The following RNF220 variants were observed in gnomAD, a reference collection of about 807,000 sequenced individuals.
The protein encoded by RNF220 is E3 ubiquitin-protein ligase RNF220.
RNF220 carries 7 observed loss-of-function variants against 67.1 expected under a neutral mutation model. The ratio of observed to expected loss-of-function variants is 0.10; its 90% CI spans 0.06 to 0.20. RNF220 has a LOEUF of 0.20. Among genes scored for constraint, RNF220 ranks in the 10% least tolerant of loss-of-function variants. The probability of loss-of-function intolerance (pLI) is 1.00; values close to 1 mark genes in which losing one functional copy is unlikely to be tolerated. For missense variants in RNF220, 565 were observed against 740.3 expected, an observed-to-expected ratio of 0.76 and a Z score of 2.75; for synonymous variants, 270 against 283.2, an observed-to-expected ratio of 0.95 and a Z score of 0.47.
At chr1:44,574,761 G>A (rs539809411) in intron 2 of RNF220, among the ~76,000 whole-genome samples, 11 of 152,290 alleles carry the variant, frequency 7.2e-5, no homozygotes, top group Non-Finnish European at 1.0e-4. Context: ...CCTCCAGCCC[G>A]GGGTGGGGTG....
intron 2 of RNF220, among the ~76,000 whole-genome samples, chr1:44,466,969 A>G (rs1008836322): frequency 3.9e-5 from 6 of 152,228 alleles, no homozygotes; most frequent in Non-Finnish European, 5.9e-5. Flanking sequence ...GCTTTGAGGC[A>G]TTGGCTTCTC....
chr1:44,530,920 G>A (rs868079552), intron 2 of RNF220, among the ~76,000 whole-genome samples: 1 of 152,078 alleles, frequency 6.6e-6, no homozygotes, highest in Non-Finnish European at 1.5e-5. Flanking sequence ...CCGAGATTGC[G>A]CCATTGCACT....
rs1648080019 is a variant in RNF220, at chr1:44,412,624, C to T, written c.527C>T (p.Ser176Leu). ...GTQLPSSSPG[S>L]LKVDDTGKKI... ...CAGCTGCCATCTAGCTCCCCCGGTT[C>T]ACTAAAGGTTGATGACACTGGGAAG... The change falls in exon 2 of 15, where the codon TCA becomes TTA. Residue 176 changes from serine (S) to leucine (L), a missense_variant. By Grantham distance (145) the Ser-to-Leu change is moderately radical (BLOSUM62 -2). Coordinates refer to ENST00000361799, the MANE Select transcript of RNF220 (RefSeq NM_018150.4). The surrounding 1 kb of genome is among the most constrained non-coding windows in gnomAD (Gnocchi z 5.3). 1.9e-6 allele frequency: 3 copies of T among 1,614,066 alleles called. No homozygotes were observed. The highest frequency in any genetic ancestry group is 1.7e-5 in the Admixed American group (1 of 60,004).
chr1:44,409,125 TCTCA>T lies in RNF220; in HGVS notation c.-117-2853_-117-2850del, dbSNP rs1647708409. Among the ~76,000 whole-genome samples, 37 of 152,318 alleles carry T rather than the reference TCTCA, an allele frequency of 2.4e-4. 1 individual carries two copies. The highest frequency in any genetic ancestry group is 8.4e-4 in the African/African-American group (35 of 41,554). ...GCGTGTTTAACCACGCAATTAGTAA[TCTCA>T]CTAATTATTCAGATAGCTGGCGTTT... On this transcript the variant is annotated intron_variant, in intron 1 of 14. Coordinates refer to ENST00000361799, the MANE Select transcript of RNF220 (RefSeq NM_018150.4).
At chr1:44,406,980 G>A (rs900435495) in intron 1 of RNF220, among the ~76,000 whole-genome samples, 1 of 152,198 alleles carries the variant, frequency 6.6e-6, no homozygotes, top group African/African-American at 2.4e-5. Context: ...CAGGGGGAAA[G>A]CTCTCGCTTC....
At chr1:44,580,634 C>T (rs1398054575) in intron 2 of RNF220, among the ~76,000 whole-genome samples, 2 of 152,190 alleles carry the variant, frequency 1.3e-5, no homozygotes, top group Non-Finnish European at 2.9e-5. Flanking sequence ...CTCCTGGCCT[C>T]GGAGGTGTTT....
At chr1:44,453,089 G>A (rs898117390) in intron 2 of RNF220, among the ~76,000 whole-genome samples, 7 of 152,044 alleles carry the variant, frequency 4.6e-5, no homozygotes, top group Non-Finnish European at 1.0e-4. Flanking sequence ...GCTTGCTATT[G>A]TACATCTTCC....
At chr1:44,561,737 T>C (rs1663588906) in intron 2 of RNF220, among the ~76,000 whole-genome samples, 2 of 151,100 alleles carry the variant, frequency 1.3e-5, no homozygotes, top group African/African-American at 4.8e-5. Context: ...GACAATACGG[T>C]GAGACCCCGT....
intron 2 of RNF220, among the ~76,000 whole-genome samples, chr1:44,451,239 G>C (rs1029022945): frequency 2.7e-5 from 4 of 149,820 alleles, no homozygotes; most frequent in African/African-American, 9.8e-5. Flanking sequence ...CCATCCAAAA[G>C]AGAGAATATT....
chr1:44,533,097 C>T (rs2077238), intron 2 of RNF220, among the ~76,000 whole-genome samples: 1 of 152,202 alleles, frequency 6.6e-6, no homozygotes, highest in Non-Finnish European at 1.5e-5. Context: ...TGCCCCCTCT[C>T]TTTGGTCTTG....
chr1:44,424,381 A>G (rs1649534102), intron 2 of RNF220, among the ~76,000 whole-genome samples: 1 of 152,120 alleles, frequency 6.6e-6, no homozygotes, highest in African/African-American at 2.4e-5. Flanking sequence ...ACTAGACTTC[A>G]TCTTCAGAAT....
intron 2 of RNF220, among the ~76,000 whole-genome samples, chr1:44,468,567 T>G (rs1295407961): frequency 6.6e-6 from 1 of 152,126 alleles, no homozygotes; most frequent in Non-Finnish European, 1.5e-5. Context: ...GAAGGAAGAT[T>G]TATTTTTCAT....
At chr1:44,475,662 A>G (rs1655234489) in intron 2 of RNF220, among the ~76,000 whole-genome samples, 1 of 151,658 alleles carries the variant, frequency 6.6e-6, no homozygotes, top group African/African-American at 2.4e-5. Flanking sequence ...TGCATTGAAT[A>G]AGAGAGTTTC....
chr1:44,570,650 TCTCC>T (rs1254957318), intron 2 of RNF220, among the ~76,000 whole-genome samples: 2 of 152,180 alleles, frequency 1.3e-5, no homozygotes, highest in Non-Finnish European at 2.9e-5. Flanking sequence ...CATCCAGACT[TCTCC>T]CTCCTTCACG....
intron 8 of RNF220, among the ~76,000 whole-genome samples, chr1:44,641,133 T>C (rs1374637160): frequency 6.6e-6 from 1 of 152,176 alleles, no homozygotes; most frequent in Non-Finnish European, 1.5e-5. Flanking sequence ...CTGTGTTTCA[T>C]TTCTGCACTT....
At chr1:44,531,999 C>A (rs1490212424) in intron 2 of RNF220, among the ~76,000 whole-genome samples, 1 of 152,140 alleles carries the variant, frequency 6.6e-6, no homozygotes, top group African/African-American at 2.4e-5. Flanking sequence ...GGTGCTGAGT[C>A]TCACTCCCCC....
chr1:44,447,904 T>G (rs1652264809), intron 2 of RNF220, among the ~76,000 whole-genome samples: 1 of 152,206 alleles, frequency 6.6e-6, no homozygotes, highest in South Asian at 2.1e-4. Flanking sequence ...CTGGGCTTAC[T>G]GTACACTCCT....
At chr1:44,437,644 C>A (rs1572500282) in intron 2 of RNF220, among the ~76,000 whole-genome samples, 1 of 152,134 alleles carries the variant, frequency 6.6e-6, no homozygotes, top group African/African-American at 2.4e-5. Flanking sequence ...ATGCTAATAA[C>A]CCTGGTGACA....
At chr1:44,550,837 A>G (rs1028285108) in intron 2 of RNF220, among the ~76,000 whole-genome samples, 3 of 152,116 alleles carry the variant, frequency 2.0e-5, no homozygotes, top group South Asian at 2.1e-4. Context: ...TAGTCCCTGC[A>G]ATGCTTCTCC....
Sources: allele counts gnomAD v4.1 joint callset (sites outside exome capture counted in the v4.1 genomes callset), GRCh38; gene constraint gnomAD v4.1.1; non-coding constraint Gnocchi (gnomAD v3.1); transcripts MANE v1.5; gene names NCBI Gene and HGNC (gene_info 2026-07-23, HGNC 2026-07-21).